Variants in SPATA7 observed in about 807,000 individuals in gnomAD.
SPATA7 encodes spermatogenesis-associated protein 7.
In SPATA7, 43 loss-of-function variants were observed where a neutral mutation model predicts 51.8. That is an observed-to-expected ratio of 0.83 (90% CI 0.65 to 1.07). The LOEUF (loss-of-function observed/expected upper bound fraction) is 1.07, where lower values mean the gene tolerates loss of function less well. SPATA7 is among the 50% of genes least tolerant of loss of function. The pLI is 0.00. For missense variants in SPATA7, 683 were observed against 701.3 expected (o/e 0.97, Z 0.30); for synonymous variants, 230 against 252.8 (o/e 0.91, Z 0.86).
In SPATA7 at chr14:88,469,621, C is replaced by A; in HGVS notation, c.255-226C>A. ...CATCTTCAGGCCTGTGGTGGCATAGCAGCCAGAGTCTGTGCGGAACCGGGT... is the reference window on the plus strand; with the variant it reads ...CATCTTCAGGCCTGTGGTGGCATAGAAGCCAGAGTCTGTGCGGAACCGGGT... On this transcript the variant is annotated intron_variant, in intron 4 of 4. Transcript: ENST00000556406. The surrounding 1 kb of genome is among the most constrained non-coding windows in gnomAD (Gnocchi z 4.3). 1 of 1,614,188 alleles carries A rather than the reference C, an allele frequency of 6.2e-7. No individual in the cohort carries two copies. The highest frequency in any genetic ancestry group is 1.1e-5 in the South Asian group (1 of 91,084).
At chr14:88,408,276 CTT>C (rs1566762132) in intron 4 of SPATA7, among the ~76,000 whole-genome samples, 3 of 152,060 alleles carry the variant, frequency 2.0e-5, no homozygotes, top group African/African-American at 7.2e-5. Flanking sequence ...TGTGTCCTCT[CTT>C]ATTTCCTTGA....
At chr14:88,467,976 G>T in intron 4 of SPATA7, 1 of 940,666 alleles carries the variant, frequency 1.1e-6, no homozygotes, top group Non-Finnish European at 1.7e-6. Context: ...CCTGTGCTTC[G>T]CACGTTTCCT....
At chr14:88,426,798 A>G in intron 6 of SPATA7, 94 bp downstream of exon 6, 3 of 1,110,784 alleles carry the variant, frequency 2.7e-6, no homozygotes, top group Non-Finnish European at 4.0e-6. Context: ...CAGCCTTAAG[A>G]TCTGATAGTG....
chr14:88,424,228 T>C (rs958706997), intron 5 of SPATA7, among the ~76,000 whole-genome samples: 2 of 152,188 alleles, frequency 1.3e-5, no homozygotes, highest in African/African-American at 2.4e-5. Flanking sequence ...ACAAATATCT[T>C]TATCCAAGTT....
intron 10 of SPATA7, among the ~76,000 whole-genome samples, chr14:88,434,125 C>G (rs930343618): frequency 2.0e-5 from 3 of 152,038 alleles, no homozygotes; most frequent in Non-Finnish European, 4.4e-5. Context: ...TTAGTTTTTG[C>G]CACCACAAGA....
At chr14:88,413,723 A>T (rs13379279) in intron 4 of SPATA7, among the ~76,000 whole-genome samples, 2,065 of 149,772 alleles carry the variant, frequency 0.014, 46 homozygotes, top group African/African-American at 0.048. Context: ...TGTTCTTTTG[A>T]TGCCTAATTT....
intron 3 of SPATA7, among the ~76,000 whole-genome samples, chr14:88,445,630 G>A (rs1454288299): frequency 6.6e-6 from 1 of 151,778 alleles, no homozygotes; most frequent in African/African-American, 2.4e-5. Context: ...GTTTGTCATA[G>A]ATAGCTCTTA....
rs551034986 is a variant in SPATA7, at chr14:88,424,294, A to G, written c.373-1938A>G. Among the ~76,000 whole-genome samples, 4 of 152,322 alleles carry G rather than the reference A, an allele frequency of 2.6e-5. No homozygotes were observed. In the South Asian group the frequency reaches 8.3e-4, roughly 32 times the overall value. On this transcript the variant is annotated intron_variant, in intron 5 of 11. Transcript: ENST00000393545. ...TGCAGATTGGTACAGTGGATTTTAT[A>G]CTGTAGTCTACTGGTTTCCAAGGAA... is the stretch of plus-strand genomic sequence containing the variant.
intron 3 of SPATA7, among the ~76,000 whole-genome samples, chr14:88,452,788 C>A (rs1381480659): frequency 6.6e-6 from 1 of 152,180 alleles, no homozygotes; most frequent in Non-Finnish European, 1.5e-5. Flanking sequence ...TTTGCACTTG[C>A]TAACACAATA....
At chr14:88,412,234 T>C (rs915767181) in intron 4 of SPATA7, among the ~76,000 whole-genome samples, 1 of 150,360 alleles carries the variant, frequency 6.7e-6, no homozygotes, top group Non-Finnish European at 1.5e-5. Context: ...TTTTTTTTTT[T>C]TTTTAAGTTC....
intron 3 of SPATA7, among the ~76,000 whole-genome samples, chr14:88,454,437 G>A (rs929522402): frequency 6.6e-6 from 1 of 152,110 alleles, no homozygotes; most frequent in Non-Finnish European, 1.5e-5. Context: ...AACTTCAGGG[G>A]ATTAGGATAT....
intron 3 of SPATA7, among the ~76,000 whole-genome samples, chr14:88,446,790 G>A (rs980454512): frequency 1.3e-3 from 192 of 152,048 alleles, no homozygotes; most frequent in Admixed American, 2.4e-3. Context: ...GTAGTTGAGC[G>A]GTTTTGAGTG....
chr14:88,438,363 G>T lies in SPATA7; in HGVS notation c.1741G>T (p.Glu581Ter). 1 of 1,614,050 alleles carries T rather than the reference G, an allele frequency of 6.2e-7. No homozygotes were observed. Among genetic ancestry groups the T allele is most frequent in the Non-Finnish European group, 8.5e-7 (1 of 1,179,992 alleles). Residue 581 changes from glutamate to a stop codon, truncating the protein, a stop_gained, in exon 12 of 12, where the codon GAG becomes TAG. Transcript: ENST00000393545. LOFTEE classifies it high-confidence loss of function. ...SVKGDNNHDM[E>*]LSTLKIMEMS... ...CAAAGGCGACAATAATCATGACATG[G>T]AGTTATCAACTCTTAAAATCATGGA... is the stretch of plus-strand genomic sequence containing the variant.
chr14:88,391,400 TCCC>T lies in SPATA7; in HGVS notation c.40_42del (p.Pro14del). ...TAAAAGTCAGAGCAACCTCTGTCCT[TCCC>T]AGATATGGTCCACCGTGCCTATTTA... On this transcript the variant is annotated inframe_deletion, in exon 2 of 12. Transcript: ENST00000393545. The T allele has an allele frequency of 6.2e-7, 1 of 1,613,566 alleles. No homozygotes were observed. Among genetic ancestry groups the T allele is most frequent in the Non-Finnish European group, 8.5e-7 (1 of 1,179,694 alleles).
chr14:88,461,495 G>A (rs1374036438), intron 4 of SPATA7, among the ~76,000 whole-genome samples: 1 of 152,156 alleles, frequency 6.6e-6, no homozygotes, highest in Non-Finnish European at 1.5e-5. Context: ...TGTGGGCGTG[G>A]GACCCTCCGA....
chr14:88,422,541 C>A (rs2076674698), intron 5 of SPATA7, among the ~76,000 whole-genome samples: 1 of 148,974 alleles, frequency 6.7e-6, no homozygotes, highest in Admixed American at 6.7e-5. Context: ...AAATACAAAT[C>A]ATATATTTTA....
intron 4 of SPATA7, chr14:88,415,362 T>C (rs2076448026): frequency 5.3e-6 from 1 of 189,602 alleles, no homozygotes; most frequent in Non-Finnish European, 1.2e-5. Flanking sequence ...GATACAAGAA[T>C]AGCAACCCCT....
chr14:88,442,093 A>T (rs1457030643), downstream of SPATA7, among the ~76,000 whole-genome samples: 2 of 152,124 alleles, frequency 1.3e-5, no homozygotes. Flanking sequence ...TTTGTTGAAT[A>T]GCTTTGTTGA....
In SPATA7 at chr14:88,426,704, G is replaced by A. The variant is rs752125073; in HGVS notation, c.845G>A (p.Ser282Asn). 8 of 1,608,334 alleles carry A rather than the reference G, an allele frequency of 5.0e-6. No individual in the cohort carries two copies. In the African/African-American group the frequency reaches 5.3e-5, roughly 11 times the overall value. ...RIEAETQTEL[S>N]FKSELGTAET... ...GAAGCTGAAACCCAGACTGAATTAA[G>A]GTATGACACATCAGCAACCAACAGT... Residue 282 changes from serine to asparagine, a missense_variant and splice_region_variant, in exon 6 of 12, where the codon AGC becomes AAC. Coordinates refer to ENST00000393545, the MANE Select transcript of SPATA7 (RefSeq NM_018418.5).
Sources: gnomAD v4.1 joint callset for allele counts (sites outside exome capture counted in the v4.1 genomes callset) on GRCh38, gnomAD v4.1.1 for gene constraint, Gnocchi (gnomAD v3.1) non-coding constraint, MANE v1.5 for transcripts, NCBI Gene and HGNC (gene_info 2026-07-23, HGNC 2026-07-21) for gene names.